KMT2C: variants seen among roughly 807,000 people sequenced by gnomAD.
The protein encoded by KMT2C is histone-lysine N-methyltransferase 2C.
KMT2C carries 88 observed loss-of-function variants against 507.9 expected under a neutral mutation model. The observed-to-expected ratio is 0.17, with a 90% CI of 0.15 to 0.21. KMT2C has a LOEUF of 0.21. Among genes scored for constraint, KMT2C ranks in the 10% least tolerant of loss-of-function variants. The pLI is 1.00. For missense variants in KMT2C, 4,954 were observed against 5,957.8 expected (o/e 0.83, Z 5.55); for synonymous variants, 2,049 against 2,080.8 (o/e 0.98, Z 0.42).
intron 43 of KMT2C, among the ~76,000 whole-genome samples, chr7:152,159,796 G>A (rs1329352864): frequency 6.6e-6 from 1 of 152,174 alleles, no homozygotes; most frequent in East Asian, 1.9e-4. Flanking sequence ...AATATTTTCA[G>A]GCTCCATTAT....
intron 1 of KMT2C, among the ~76,000 whole-genome samples, chr7:152,374,485 A>G (rs1011171212): frequency 6.6e-6 from 1 of 152,222 alleles, no homozygotes; most frequent in Non-Finnish European, 1.5e-5. Flanking sequence ...ATATTCAACT[A>G]AACAATTTTA....
chr7:152,326,030 A>G (rs1163166405), intron 3 of KMT2C, among the ~76,000 whole-genome samples: 4 of 151,738 alleles, frequency 2.6e-5, no homozygotes, highest in Admixed American at 2.0e-4. Flanking sequence ...TTAATCATGT[A>G]TCTGTATCTG....
intron 2 of KMT2C, among the ~76,000 whole-genome samples, chr7:152,348,456 A>C (rs1341407092): frequency 6.6e-6 from 1 of 151,094 alleles, no homozygotes; most frequent in Non-Finnish European, 1.5e-5. Context: ...AAAAGTAGCC[A>C]GGCATGGTGG....
At position 152,141,784 on chromosome 7, in the gene KMT2C, C is replaced by T. The variant is rs193238034; in HGVS notation, c.14344-1993G>A. ...CTGTAATCCCAGCACTTTGGGAGGC[C>T]GAGGCAGGTGAATTGCTTGAGTTCA... On this transcript the variant is annotated intron_variant, in intron 55 of 58. Transcript: ENST00000262189. Among the ~76,000 whole-genome samples, 6 of 151,654 alleles carry T rather than the reference C, an allele frequency of 4.0e-5. No individual in the cohort carries two copies. In the East Asian group the frequency reaches 7.8e-4, roughly 20 times the overall value.
intron 1 of KMT2C, among the ~76,000 whole-genome samples, chr7:152,391,516 A>T (rs2097497736): frequency 6.8e-6 from 1 of 147,994 alleles, no homozygotes; most frequent in East Asian, 2.0e-4. Flanking sequence ...CAATGGGATT[A>T]CAGACATGAG....
Position 152,176,181 on chromosome 7 carries a change from A to G in KMT2C, c.9262+10T>C. On this transcript the variant is annotated intron_variant, in intron 38 of 58. Transcript: ENST00000262189. ...TAGTAATATACGTTGAGACTCAAGAAAACTCCTACCAATATTAGGGAAGAA... is the reference window on the plus strand; with the variant it reads ...TAGTAATATACGTTGAGACTCAAGAGAACTCCTACCAATATTAGGGAAGAA... The G allele has an allele frequency of 6.3e-7, 1 of 1,577,422 alleles. No homozygotes were observed. Among genetic ancestry groups the G allele is most frequent in the South Asian group, 1.2e-5 (1 of 85,026 alleles).
intron 39 of KMT2C, among the ~76,000 whole-genome samples, chr7:152,171,988 T>C (rs1450578768): frequency 1.3e-5 from 2 of 152,226 alleles, no homozygotes; most frequent in African/African-American, 4.8e-5. Flanking sequence ...ACAGAAGCAT[T>C]ACTGCTTACA....
rs115088346 is a variant in KMT2C, at chr7:152,272,212, C to G, written c.1012+1493G>C. 1.1e-3 allele frequency among the ~76,000 whole-genome samples: 161 copies of G among 152,280 alleles called. 1 individual carries two copies. The highest frequency in any genetic ancestry group is 3.8e-3 in the African/African-American group (156 of 41,560). The stretch of plus-strand genomic sequence containing the variant: ...TACATGATCAACAACAGCATATTAT[C>G]TCACCTCAGTATTTATTATTTTACA... On this transcript the variant is annotated intron_variant, in intron 7 of 58. Coordinates refer to ENST00000262189, the MANE Select transcript of KMT2C (RefSeq NM_170606.3).
intron 1 of KMT2C, among the ~76,000 whole-genome samples, chr7:152,370,447 G>A (rs1329336264): frequency 6.6e-6 from 1 of 152,146 alleles, no homozygotes; most frequent in Non-Finnish European, 1.5e-5. Flanking sequence ...TTAAGATGAT[G>A]TAACACCAAC....
chr7:152,212,004 C>T (rs1317436049), intron 23 of KMT2C, among the ~76,000 whole-genome samples: 25 of 152,150 alleles, frequency 1.6e-4, no homozygotes, highest in Middle Eastern at 3.4e-3. Flanking sequence ...GCCGAGATTG[C>T]GCCACTGCAC....
At chr7:152,302,908 T>C (rs1777134546) in intron 6 of KMT2C, among the ~76,000 whole-genome samples, 1 of 152,062 alleles carries the variant, frequency 6.6e-6, no homozygotes, top group African/African-American at 2.4e-5. Flanking sequence ...CCTCCCAAAG[T>C]GCTGGGATTA....
chr7:152,394,705 A>C (rs1398647442), intron 1 of KMT2C, among the ~76,000 whole-genome samples: 2 of 152,168 alleles, frequency 1.3e-5, no homozygotes, highest in African/African-American at 4.8e-5. Flanking sequence ...CTAAAATATA[A>C]GCCCGTGAAG....
In KMT2C at chr7:152,185,553, A is replaced by T. The variant is rs1176013048; in HGVS notation, c.5082+5T>A. On this transcript the variant is annotated splice_donor_5th_base_variant and intron_variant, in intron 34 of 58. Coordinates refer to ENST00000262189, the MANE Select transcript of KMT2C (RefSeq NM_170606.3). ...TTTAAAAGATAGAGGAGTTTCTTAA[A>T]ATACCACATATGGTGCTCTTTCTTG... 1.2e-6 allele frequency: 2 copies of T among 1,611,822 alleles called. No homozygotes were observed. The highest frequency in any genetic ancestry group is 2.7e-5 in the African/African-American group (2 of 74,916).
chr7:152,273,439 A>G (rs1316998860), intron 7 of KMT2C, among the ~76,000 whole-genome samples: 1 of 152,202 alleles, frequency 6.6e-6, no homozygotes, highest in Non-Finnish European at 1.5e-5. Context: ...ATCTTTCTAC[A>G]GTGGTTTTTA....
At chr7:152,250,052 G>C (rs1189961130) in intron 12 of KMT2C, 99 bp from the exon 13 acceptor site, 5 of 681,946 alleles carry the variant, frequency 7.3e-6, no homozygotes, top group Admixed American at 2.3e-5. Context: ...TCTACTAAAT[G>C]TCAATTTCCA....
At chr7:152,300,128 C>A (rs1228684338) in intron 6 of KMT2C, among the ~76,000 whole-genome samples, 1 of 152,216 alleles carries the variant, frequency 6.6e-6, no homozygotes, top group African/African-American at 2.4e-5. Context: ...CTATACAACA[C>A]TCTTACTATA....
intron 6 of KMT2C, among the ~76,000 whole-genome samples, chr7:152,306,455 T>C (rs1293560768): frequency 1.3e-5 from 2 of 152,262 alleles, no homozygotes; most frequent in African/African-American, 4.8e-5. Context: ...TTCTGATTTA[T>C]CTGCATGGTA....
At chr7:152,193,311 T>C (rs1307697018) in intron 31 of KMT2C, among the ~76,000 whole-genome samples, 1 of 152,144 alleles carries the variant, frequency 6.6e-6, no homozygotes, top group Non-Finnish European at 1.5e-5. Context: ...GCTATCAAAT[T>C]TCAGCTCTAC....
chr7:152,374,324 GTAA>G (rs10598169), intron 1 of KMT2C, among the ~76,000 whole-genome samples: 16,184 of 149,976 alleles, frequency 0.11, 2,081 homozygotes, highest in African/African-American at 0.31. Context: ...TCAAAAAATA[GTAA>G]TAATAATAAT....
Sources: gnomAD v4.1 joint callset for allele counts (sites outside exome capture counted in the v4.1 genomes callset) on GRCh38, gnomAD v4.1.1 for gene constraint, MANE v1.5 for transcripts, NCBI Gene and HGNC (gene_info 2026-07-23, HGNC 2026-07-21) for gene names.